ARHGAP15: variants seen among roughly 807,000 people sequenced by gnomAD.
The protein encoded by ARHGAP15 is rho GTPase-activating protein 15.
A neutral mutation model predicts 63.7 loss-of-function variants in ARHGAP15; 51 were observed. The ratio of observed to expected loss-of-function variants is 0.80; its 90% CI spans 0.64 to 1.01. The LOEUF (loss-of-function observed/expected upper bound fraction) is 1.01, where lower values mean the gene tolerates loss of function less well. Among genes scored for constraint, ARHGAP15 ranks in the 50% least tolerant of loss-of-function variants. The pLI, the probability that ARHGAP15 is intolerant of heterozygous loss-of-function variation, is 0.00. For synonymous variants in ARHGAP15, 191 were observed against 193.8 expected (o/e 0.99, Z 0.12); for missense variants, 560 against 564.6 (o/e 0.99, Z 0.08).
rs143557097 is a variant in ARHGAP15, at chr2:143,435,229, G to A, written c.475-372G>A. On this transcript the variant is annotated intron_variant, in intron 6 of 13. Coordinates refer to ENST00000295095, the MANE Select transcript of ARHGAP15 (RefSeq NM_018460.4). Reference sequence around the variant, plus strand: ...TTTGAAAAAGACAGACAGGAAAGAGGCAAACGTGCAGAATGAATTCTGACA... The same window carrying A: ...TTTGAAAAAGACAGACAGGAAAGAGACAAACGTGCAGAATGAATTCTGACA... The A allele has an allele frequency of 1.1e-5, 11 of 990,600 alleles. No individual in the cohort carries two copies. In the African/African-American group the frequency reaches 1.7e-4, roughly 16 times the overall value. The allele number at this position is 990,600 out of a possible 1,614,324, so 61.4% of individuals were successfully genotyped here. A position where few individuals can be genotyped will look rare whatever the true frequency, so the allele number is the denominator to read the frequency against.
chr2:143,448,070 C>G (rs1210413454), intron 8 of ARHGAP15, among the ~76,000 whole-genome samples: 2 of 152,132 alleles, frequency 1.3e-5, no homozygotes, highest in African/African-American at 4.8e-5. Flanking sequence ...TGCTGTGGAA[C>G]TCTAGCAGTT....
chr2:143,249,342 A>T (rs1173859230), intron 5 of ARHGAP15, among the ~76,000 whole-genome samples: 1 of 152,164 alleles, frequency 6.6e-6, no homozygotes, highest in Non-Finnish European at 1.5e-5. Context: ...CTGGCTTCTG[A>T]AAAAGCCTAT....
chr2:143,551,157 A>G (rs1695545725), intron 10 of ARHGAP15, among the ~76,000 whole-genome samples: 1 of 152,116 alleles, frequency 6.6e-6, no homozygotes, highest in African/African-American at 2.4e-5. Context: ...TGAAAATAGA[A>G]CTTTTCTTTT....
intron 6 of ARHGAP15, among the ~76,000 whole-genome samples, chr2:143,340,529 T>C (rs1018184879): frequency 1.3e-5 from 2 of 150,774 alleles, no homozygotes; most frequent in African/African-American, 4.9e-5. Flanking sequence ...TTTTTTCTCT[T>C]TTTTTTTTTA....
intron 9 of ARHGAP15, among the ~76,000 whole-genome samples, chr2:143,500,813 T>C (rs1693022181): frequency 6.6e-6 from 1 of 152,206 alleles, no homozygotes; most frequent in South Asian, 2.1e-4. Flanking sequence ...TCACAAGATA[T>C]AATTCCTTTA....
At chr2:143,614,994 CCTTA>C (rs1301183545) in intron 11 of ARHGAP15, among the ~76,000 whole-genome samples, 1 of 152,180 alleles carries the variant, frequency 6.6e-6, no homozygotes, top group Non-Finnish European at 1.5e-5. Context: ...AGCTATTTTA[CCTTA>C]CTTTATGCAA....
intron 5 of ARHGAP15, among the ~76,000 whole-genome samples, chr2:143,232,479 AT>A (rs1305026202): frequency 6.6e-6 from 1 of 152,194 alleles, no homozygotes; most frequent in Admixed American, 6.5e-5. Flanking sequence ...ATATTCTCAT[AT>A]TTTTAATGTA....
intron 6 of ARHGAP15, among the ~76,000 whole-genome samples, chr2:143,338,440 G>T (rs1358527476): frequency 6.6e-6 from 1 of 152,154 alleles, no homozygotes; most frequent in Non-Finnish European, 1.5e-5. Flanking sequence ...TCAGAGACTA[G>T]AATTTGTTAG....
intron 3 of ARHGAP15, among the ~76,000 whole-genome samples, chr2:143,207,816 G>C (rs570529528): frequency 6.6e-6 from 1 of 152,202 alleles, no homozygotes; most frequent in African/African-American, 2.4e-5. Flanking sequence ...ATTGATTATA[G>C]ACCATTCATT....
At chr2:143,148,262 AT>A (rs1233303578) in intron 1 of ARHGAP15, among the ~76,000 whole-genome samples, 5 of 151,994 alleles carry the variant, frequency 3.3e-5, no homozygotes, top group Admixed American at 1.3e-4. Context: ...CTCCAGTCCC[AT>A]TCTCCACTGC....
At chr2:143,543,789 T>A (rs1695207737) in intron 10 of ARHGAP15, among the ~76,000 whole-genome samples, 1 of 152,148 alleles carries the variant, frequency 6.6e-6, no homozygotes, top group African/African-American at 2.4e-5. Flanking sequence ...TGAGTTTAAA[T>A]AAGGGAACAA....
At chr2:143,315,381 ATTAAT>A (rs1683653583) in intron 6 of ARHGAP15, among the ~76,000 whole-genome samples, 1 of 152,216 alleles carries the variant, frequency 6.6e-6, no homozygotes, top group Non-Finnish European at 1.5e-5. Context: ...GGCCAATTCT[ATTAAT>A]TTGTCATCTT....
chr2:143,238,613 A>G (rs1177061544), intron 5 of ARHGAP15, among the ~76,000 whole-genome samples: 1 of 152,220 alleles, frequency 6.6e-6, no homozygotes, highest in African/African-American at 2.4e-5. Context: ...AATTAGTCTG[A>G]TCATTGTGGA....
chr2:143,653,109 A>T (rs530535820), intron 12 of ARHGAP15, among the ~76,000 whole-genome samples: 1 of 152,148 alleles, frequency 6.6e-6, no homozygotes, highest in South Asian at 2.1e-4. Flanking sequence ...TTTTCTCAGA[A>T]GTTTTTCTGC....
chr2:143,208,565 A>G (rs1282032445), intron 3 of ARHGAP15, among the ~76,000 whole-genome samples: 4 of 152,158 alleles, frequency 2.6e-5, no homozygotes, highest in Non-Finnish European at 5.9e-5. Context: ...TGCCACATGT[A>G]TGTAAATCCA....
chr2:143,198,585 A>G (rs571448966), intron 2 of ARHGAP15, among the ~76,000 whole-genome samples: 1 of 152,290 alleles, frequency 6.6e-6, no homozygotes, highest in African/African-American at 2.4e-5. Context: ...AACACTCATC[A>G]GCTAAAATAA....
At chr2:143,219,579 G>C (rs143079013) in intron 4 of ARHGAP15, among the ~76,000 whole-genome samples, 124 of 152,288 alleles carry the variant, frequency 8.1e-4, no homozygotes, top group African/African-American at 2.8e-3. Context: ...AATATTTCCA[G>C]GAGTACAGGA....
At chr2:143,441,488 A>G (rs1484814712) in intron 8 of ARHGAP15, among the ~76,000 whole-genome samples, 1 of 152,202 alleles carries the variant, frequency 6.6e-6, no homozygotes, top group African/African-American at 2.4e-5. Context: ...ACAAAGTTCT[A>G]GTTTATTCAT....
At chr2:143,358,778 T>G (rs1253989119) in intron 6 of ARHGAP15, among the ~76,000 whole-genome samples, 1 of 151,906 alleles carries the variant, frequency 6.6e-6, no homozygotes, top group African/African-American at 2.4e-5. Context: ...TACTTATGTA[T>G]GTATATGTAT....
Sources: allele counts gnomAD v4.1 joint callset (sites outside exome capture counted in the v4.1 genomes callset), GRCh38; gene constraint gnomAD v4.1.1; transcripts MANE v1.5; gene names NCBI Gene and HGNC (gene_info 2026-07-23, HGNC 2026-07-21).